The following TNKS variants were observed in gnomAD, a reference collection of about 807,000 sequenced individuals.
TNKS encodes poly [ADP-ribose] polymerase tankyrase-1.
In TNKS, 72 loss-of-function variants were observed where a neutral mutation model predicts 135.8. The observed-to-expected ratio is 0.53, with a 90% CI of 0.44 to 0.64. The LOEUF (loss-of-function observed/expected upper bound fraction) is 0.64, where lower values mean the gene tolerates loss of function less well. Ranked by LOEUF, TNKS falls within the 30% of genes least tolerant of loss-of-function variation. The pLI is 0.00. For missense variants in TNKS, 1,769 were observed against 1,674.0 expected (o/e 1.06, Z -0.99); for synonymous variants, 849 against 649.3 (o/e 1.31, Z -4.68).
chr8:9,582,955 A>C (rs1342974169), intron 2 of TNKS, among the ~76,000 whole-genome samples: 1 of 152,074 alleles, frequency 6.6e-6, no homozygotes, highest in Non-Finnish European at 1.5e-5. Context: ...GCACGAGGTC[A>C]GGAGATCGAG....
Position 9,781,763 on chromosome 8 carries a change from G to T in TNKS, c.*5027G>T, listed in dbSNP as rs1336484651. ...ATTGTGTTTTCTCATTGTGATGTTG[G>T]TCTGTGTGAGCAACCAGTGTAGTGA... On this transcript the variant is annotated 3_prime_UTR_variant, in exon 27 of 27. Coordinates refer to ENST00000310430, the MANE Select transcript of TNKS (RefSeq NM_003747.3). 6.6e-6 allele frequency: 1 copy of T among 152,590 alleles called. No homozygotes were observed. Among genetic ancestry groups the T allele is most frequent in the Non-Finnish European group, 1.5e-5 (1 of 68,022 alleles). The allele number at this position is 152,590 out of a possible 1,614,324, so 9.5% of individuals were successfully genotyped here.
chr8:9,563,701 C>G (rs1016835653), intron 1 of TNKS, among the ~76,000 whole-genome samples: 1 of 152,038 alleles, frequency 6.6e-6, no homozygotes. Flanking sequence ...ACATGCTATA[C>G]GTTCATATCT....
chr8:9,710,406 C>T lies in TNKS; in HGVS notation c.1749+186C>T, dbSNP rs370142318. The T allele has an allele frequency of 2.1e-3, 1,292 of 618,694 alleles. 2 individuals carry two copies. Among genetic ancestry groups the T allele is most frequent in the Non-Finnish European group, 3.4e-3 (1,186 of 349,706 alleles). 38.3% of individuals were successfully genotyped at this position (618,694 alleles called of 1,614,324 possible). On this transcript the variant is annotated intron_variant, in intron 11 of 26. Coordinates refer to ENST00000310430, the MANE Select transcript of TNKS (RefSeq NM_003747.3). ...CTTGTTTCTAATAAAAATAATTACC[C>T]GTGTTTCTTGATCCTTTAATGTCAC...
chr8:9,762,453 G>C (rs982593335), intron 21 of TNKS, among the ~76,000 whole-genome samples: 1 of 152,246 alleles, frequency 6.6e-6, no homozygotes, highest in East Asian at 1.9e-4. Flanking sequence ...GTTTTTAGAG[G>C]ATAATTTTTA....
At chr8:9,718,026 T>G (rs112695483) in intron 11 of TNKS, among the ~76,000 whole-genome samples, 3 of 122,228 alleles carry the variant, frequency 2.5e-5, no homozygotes, top group African/African-American at 5.9e-5. Flanking sequence ...CAGAAGTTAT[T>G]AGTTAGTCCA....
At chr8:9,762,497 C>T (rs1359779441) in intron 21 of TNKS, among the ~76,000 whole-genome samples, 2 of 126,754 alleles carry the variant, frequency 1.6e-5, no homozygotes, top group African/African-American at 6.1e-5. Context: ...GATGTCAGTG[C>T]CTGTTTTTCT....
At chr8:9,646,278 T>G (rs1349532475) in intron 3 of TNKS, among the ~76,000 whole-genome samples, 2 of 152,172 alleles carry the variant, frequency 1.3e-5, no homozygotes, top group Non-Finnish European at 2.9e-5. Flanking sequence ...TTTCGCTTAG[T>G]TCTTGCATGT....
chr8:9,629,050 T>C (rs1256055726), intron 3 of TNKS, among the ~76,000 whole-genome samples: 4 of 152,214 alleles, frequency 2.6e-5, no homozygotes, highest in Non-Finnish European at 4.4e-5. Context: ...TTTTTCTTAG[T>C]TGTTGTAACT....
intron 3 of TNKS, chr8:9,670,812 T>C (rs987982639): frequency 1.3e-5 from 2 of 152,224 alleles, no homozygotes; most frequent in Non-Finnish European, 2.9e-5. Context: ...TGGTAATAGT[T>C]TTTCCAGGGT....
chr8:9,659,688 C>A (rs200564327), intron 3 of TNKS, among the ~76,000 whole-genome samples: 10 of 151,908 alleles, frequency 6.6e-5, no homozygotes, highest in African/African-American at 2.4e-4. Context: ...AGAGAAGCAA[C>A]AGCAAACACA....
chr8:9,764,739 C>T lies in TNKS; in HGVS notation c.3396C>T (p.His1132=), dbSNP rs1268778552. Residue 1132 remains histidine, a synonymous_variant, in exon 23 of 27, where the codon CAC becomes CAT. Transcript: ENST00000310430. ...AGATGCAAAGTACTATTCGAGAACA[C>T]AGAGATGGTGGTAATGCTGGCGGCA... ...EEEMQSTIRE[H]RDGGNAGGIF... The T allele has an allele frequency of 6.3e-7, 1 of 1,599,130 alleles. No individual in the cohort carries two copies. The highest frequency in any genetic ancestry group is 8.5e-7 in the Non-Finnish European group (1 of 1,174,800).
intron 3 of TNKS, among the ~76,000 whole-genome samples, chr8:9,674,872 C>T (rs1025112443): frequency 1.3e-5 from 2 of 152,110 alleles, no homozygotes; most frequent in Non-Finnish European, 2.9e-5. Flanking sequence ...TTTAGATTGG[C>T]CATGATTCTA....
intron 26 of TNKS, among the ~76,000 whole-genome samples, chr8:9,772,809 T>TG (rs1563227259): frequency 3.3e-4 from 29 of 86,688 alleles, no homozygotes; most frequent in African/African-American, 2.9e-4. Flanking sequence ...GTGTGTGTGT[T>TG]TGTGTGTGTG....
Position 9,761,649 on chromosome 8 carries a change from G to GAAAA in TNKS, c.3274+23_3274+26dup. The GAAAA allele has an allele frequency of 3.0e-6, 4 of 1,330,620 alleles. No individual in the cohort carries two copies. The highest frequency in any genetic ancestry group is 2.7e-5 in the East Asian group (1 of 37,366). 82.4% of individuals were successfully genotyped at this position (1,330,620 alleles called of 1,614,324 possible). A position where few individuals can be genotyped will look rare whatever the true frequency, so the allele number is the denominator to read the frequency against. ...GGTGGACAACAAGGTAAGCTATTCA[G>GAAAA]AAAAAAAAAAAAATTTCAGAAATCA... is the stretch of plus-strand genomic sequence containing the variant. On this transcript the variant is annotated intron_variant, in intron 21 of 26. Transcript: ENST00000310430.
chr8:9,672,031 G>A (rs1483272081), intron 3 of TNKS, among the ~76,000 whole-genome samples: 1 of 152,192 alleles, frequency 6.6e-6, no homozygotes, highest in Non-Finnish European at 1.5e-5. Flanking sequence ...GCACTTCGTA[G>A]CCATCTCAGT....
chr8:9,725,104 A>G (rs1448981259), intron 12 of TNKS, among the ~76,000 whole-genome samples: 5 of 152,210 alleles, frequency 3.3e-5, no homozygotes, highest in African/African-American at 4.8e-5. Context: ...ACAGCATCTT[A>G]CCTATAAATG....
At chr8:9,619,805 T>TC (rs1374662959) in intron 3 of TNKS, among the ~76,000 whole-genome samples, 2 of 150,986 alleles carry the variant, frequency 1.3e-5, no homozygotes, top group Non-Finnish European at 3.0e-5. Context: ...TTTTTTTTTT[T>TC]CCTGCTAACT....
chr8:9,582,582 C>T (rs1798208182), intron 2 of TNKS, among the ~76,000 whole-genome samples: 1 of 152,202 alleles, frequency 6.6e-6, no homozygotes, highest in African/African-American at 2.4e-5. Flanking sequence ...AGGCTTATAC[C>T]CTGACCCCAC....
intron 25 of TNKS, among the ~76,000 whole-genome samples, chr8:9,768,837 A>G (rs1404491531): frequency 2.0e-5 from 3 of 152,218 alleles, no homozygotes. Context: ...CCAAGCCAGC[A>G]TCCCAGAGGA....
Sources: allele counts gnomAD v4.1 joint callset (sites outside exome capture counted in the v4.1 genomes callset), GRCh38; gene constraint gnomAD v4.1.1; transcripts MANE v1.5; gene names NCBI Gene and HGNC (gene_info 2026-07-23, HGNC 2026-07-21).